Variants in PTPRD observed in about 807,000 individuals in gnomAD.
PTPRD encodes the protein receptor-type tyrosine-protein phosphatase delta.
PTPRD carries 34 observed loss-of-function variants against 214.5 expected under a neutral mutation model. The observed-to-expected ratio is 0.16, with a 90% CI of 0.12 to 0.21. The LOEUF (loss-of-function observed/expected upper bound fraction) is 0.21, where lower values mean the gene tolerates loss of function less well. PTPRD is among the 10% of genes least tolerant of loss of function. PTPRD has a pLI of 1.00. For synonymous variants in PTPRD, 1,128 were observed against 845.7 expected, an observed-to-expected ratio of 1.33 and a Z score of -5.79; for missense variants, 2,545 against 2,398.7, an observed-to-expected ratio of 1.06 and a Z score of -1.27.
intron 7 of PTPRD, among the ~76,000 whole-genome samples, chr9:9,659,951 A>C (rs113680156): frequency 2.0e-5 from 3 of 152,090 alleles, no homozygotes; most frequent in African/African-American, 7.2e-5. Flanking sequence ...GCTCATGATT[A>C]CATATATTAC....
At chr9:9,303,896 G>C (rs1157583829) in intron 9 of PTPRD, among the ~76,000 whole-genome samples, 2 of 152,094 alleles carry the variant, frequency 1.3e-5, no homozygotes, top group East Asian at 1.9e-4. Flanking sequence ...CTGATGTAAT[G>C]ATTTAATTTC....
At chr9:8,391,762 C>A (rs534723103) in intron 36 of PTPRD, among the ~76,000 whole-genome samples, 1 of 152,156 alleles carries the variant, frequency 6.6e-6, no homozygotes, top group East Asian at 1.9e-4. Flanking sequence ...ATCACCTGGG[C>A]CCTGTGCCAC....
intron 10 of PTPRD, among the ~76,000 whole-genome samples, chr9:9,134,400 T>G (rs1201989997): frequency 6.6e-6 from 1 of 152,134 alleles, no homozygotes; most frequent in Non-Finnish European, 1.5e-5. Flanking sequence ...TTTTCCTCTA[T>G]TCCCATCTGT....
intron 35 of PTPRD, among the ~76,000 whole-genome samples, chr9:8,421,912 C>A (rs2131618937): frequency 6.6e-6 from 1 of 151,372 alleles, no homozygotes; most frequent in Admixed American, 6.6e-5. Flanking sequence ...CTTTGGGAGA[C>A]CAAGGCAGGT....
chr9:10,591,521 T>G (rs1008478591), intron 2 of PTPRD, among the ~76,000 whole-genome samples: 1 of 151,980 alleles, frequency 6.6e-6, no homozygotes, highest in Non-Finnish European at 1.5e-5. Flanking sequence ...TTTAAAACAA[T>G]GCAAACTAGA....
chr9:9,432,374 A>C (rs2083540684), intron 8 of PTPRD, among the ~76,000 whole-genome samples: 1 of 152,182 alleles, frequency 6.6e-6, no homozygotes, highest in African/African-American at 2.4e-5. Context: ...ATGCTTAGTT[A>C]ATATGGTGAG....
intron 9 of PTPRD, among the ~76,000 whole-genome samples, chr9:9,192,372 C>T (rs560708431): frequency 6.6e-6 from 1 of 152,146 alleles, no homozygotes; most frequent in South Asian, 2.1e-4. Context: ...AAGCGAGGGA[C>T]CTGCTTTGGT....
intron 8 of PTPRD, among the ~76,000 whole-genome samples, chr9:9,567,653 C>T (rs935086417): frequency 9.2e-5 from 14 of 151,980 alleles, no homozygotes; most frequent in Admixed American, 4.6e-4. Flanking sequence ...ACAGATACCA[C>T]TGGTTGCCTA....
At chr9:8,876,553 G>A (rs1206307579) in intron 11 of PTPRD, among the ~76,000 whole-genome samples, 2 of 152,036 alleles carry the variant, frequency 1.3e-5, no homozygotes, top group Admixed American at 6.6e-5. Context: ...TTGGAGCTTC[G>A]TCATTTCCTG....
chr9:9,070,146 A>T (rs1485135225), intron 10 of PTPRD, among the ~76,000 whole-genome samples: 2 of 152,150 alleles, frequency 1.3e-5, no homozygotes, highest in African/African-American at 4.8e-5. Context: ...TTCACAAGGA[A>T]ATATTGACTT....
At chr9:9,223,278 T>C (rs2099957364) in intron 9 of PTPRD, among the ~76,000 whole-genome samples, 3 of 151,946 alleles carry the variant, frequency 2.0e-5, no homozygotes, top group Admixed American at 2.0e-4. Flanking sequence ...AGGCACAATG[T>C]CTAATCTCTC....
At chr9:8,360,554 T>G (rs1198876639) in intron 39 of PTPRD, among the ~76,000 whole-genome samples, 1 of 152,218 alleles carries the variant, frequency 6.6e-6, no homozygotes, top group East Asian at 1.9e-4. Flanking sequence ...GCTTTAGATC[T>G]CTTCATATAT....
intron 14 of PTPRD, among the ~76,000 whole-genome samples, chr9:8,561,937 T>C (rs2086562190): frequency 6.6e-6 from 1 of 152,144 alleles, no homozygotes; most frequent in African/African-American, 2.4e-5. Flanking sequence ...AAAAAATGCA[T>C]GTCACATCAC....
At chr9:10,241,523 G>C (rs2154362862) in intron 3 of PTPRD, among the ~76,000 whole-genome samples, 1 of 151,920 alleles carries the variant, frequency 6.6e-6, no homozygotes, top group East Asian at 1.9e-4. Flanking sequence ...ACAACAAAAA[G>C]TAACAAACTA....
chr9:9,693,454 C>T (rs1387843487), intron 7 of PTPRD, among the ~76,000 whole-genome samples: 1 of 152,100 alleles, frequency 6.6e-6, no homozygotes, highest in African/African-American at 2.4e-5. Context: ...AGTTTCCTCC[C>T]CCCGCCATGT....
intron 2 of PTPRD, among the ~76,000 whole-genome samples, chr9:10,385,877 T>C (rs976158414): frequency 6.6e-6 from 1 of 151,862 alleles, no homozygotes; most frequent in African/African-American, 2.4e-5. Flanking sequence ...AACAATACTT[T>C]TTATGATTAT....
chr9:9,478,268 A>G (rs963389167), intron 8 of PTPRD, among the ~76,000 whole-genome samples: 21 of 152,198 alleles, frequency 1.4e-4, no homozygotes, highest in Admixed American at 2.0e-4. Context: ...CAAGGCACCA[A>G]TGACTGACTT....
At chr9:9,275,102 AATATATTATATATATATTATATATAT>A (rs1944670314) in intron 9 of PTPRD, among the ~76,000 whole-genome samples, 1 of 60,706 alleles carries the variant, frequency 1.6e-5, no homozygotes, top group African/African-American at 6.4e-5. Context: ...TTATATATAT[AATATATTATATATATATTATATATAT>A]TATATATAAT....
chr9:8,952,818 A>C (rs1233834441), intron 11 of PTPRD, among the ~76,000 whole-genome samples: 1 of 151,958 alleles, frequency 6.6e-6, no homozygotes, highest in Admixed American at 6.6e-5. Context: ...GAATTTAAAC[A>C]GTTGAAGAAT....
Sources: gnomAD v4.1 joint callset for allele counts (sites outside exome capture counted in the v4.1 genomes callset) on GRCh38, gnomAD v4.1.1 for gene constraint, MANE v1.5 for transcripts, NCBI Gene and HGNC (gene_info 2026-07-23, HGNC 2026-07-21) for gene names.